Variants in TSC22D3 observed in about 807,000 individuals in gnomAD.
TSC22D3 encodes TSC22 domain family member 3, also known as TSC22 domain family protein 3.
In TSC22D3, 4 loss-of-function variants were observed where a neutral mutation model predicts 11.1. The ratio of observed to expected loss-of-function variants is 0.36; its 90% CI spans 0.18 to 0.83. The LOEUF (loss-of-function observed/expected upper bound fraction) is 0.83. Ranked by LOEUF, TSC22D3 falls within the 40% of genes least tolerant of loss-of-function variation. The pLI, the probability that TSC22D3 is intolerant of heterozygous loss-of-function variation, is 0.48. For missense variants in TSC22D3, 118 were observed against 159.4 expected (o/e 0.74, Z 1.40); for synonymous variants, 77 against 70.3 (o/e 1.10, Z -0.48).
At chrX:107,730,156 C>T (rs1927818586) in intron 1 of TSC22D3, among the ~76,000 whole-genome samples, 1 of 112,311 alleles carries the variant, frequency 8.9e-6, no homozygotes, top group South Asian at 3.7e-4. Context: ...ATTACCTTAT[C>T]ATTAGACCCA....
intron 1 of TSC22D3, among the ~76,000 whole-genome samples, chrX:107,746,935 G>T (rs1453491664): frequency 2.7e-5 from 3 of 112,507 alleles, no homozygotes; most frequent in Admixed American, 1.9e-4. Flanking sequence ...AAGGACATTT[G>T]AAATCCCTCA....
chrX:107,748,079 C>G (rs1689089159), intron 1 of TSC22D3, among the ~76,000 whole-genome samples: 3 of 111,838 alleles, frequency 2.7e-5, no homozygotes, highest in Non-Finnish European at 5.6e-5. Flanking sequence ...CTTCTTCACA[C>G]CCCTGCACAC....
At chrX:107,744,388 G>A (rs1226734574) in intron 1 of TSC22D3, among the ~76,000 whole-genome samples, 1 of 111,108 alleles carries the variant, frequency 9.0e-6, no homozygotes, top group Admixed American at 9.5e-5. Flanking sequence ...GGTTGAGGCG[G>A]GCGGATTGCT....
At chrX:107,772,253 G>A (rs923208826) in intron 1 of TSC22D3, among the ~76,000 whole-genome samples, 1 of 111,669 alleles carries the variant, frequency 9.0e-6, no homozygotes, top group Non-Finnish European at 1.9e-5. Flanking sequence ...TGGGAGACTA[G>A]CTTCTCCAGC....
chrX:107,726,946 T>C (rs895009393), intron 1 of TSC22D3, among the ~76,000 whole-genome samples: 1 of 112,082 alleles, frequency 8.9e-6, no homozygotes, highest in African/African-American at 3.2e-5. Context: ...ATGGAGTTTG[T>C]TGACAGAGTT....
rs143807690 is a variant in TSC22D3, at chrX:107,758,453, C to T, written c.320+16647G>A. On this transcript the variant is annotated intron_variant, in intron 1 of 2. Coordinates refer to ENST00000372383, the MANE Select transcript of TSC22D3 (RefSeq NM_198057.3). Reference sequence around the variant, plus strand: ...CAGTGAAATGTACCAGATATCAACACCCACCAAGCAGATTGGCTTTTGGTA... The same window carrying T: ...CAGTGAAATGTACCAGATATCAACATCCACCAAGCAGATTGGCTTTTGGTA... 4.8e-4 allele frequency among the ~76,000 whole-genome samples: 54 copies of T among 111,577 alleles called. 1 individual carries two copies. In the East Asian group the frequency reaches 0.012, roughly 26 times the overall value.
chrX:107,754,686 C>T (rs1302384851), intron 1 of TSC22D3, among the ~76,000 whole-genome samples: 1 of 111,924 alleles, frequency 8.9e-6, no homozygotes, highest in Non-Finnish European at 1.9e-5. Flanking sequence ...ACTATGAAGT[C>T]GTCTTCCTTC....
At chrX:107,725,028 T>C (rs1336163311) in intron 1 of TSC22D3, among the ~76,000 whole-genome samples, 2 of 111,240 alleles carry the variant, frequency 1.8e-5, no homozygotes, top group African/African-American at 6.5e-5. Flanking sequence ...AAAAAATCCC[T>C]CTCAGTCAGA....
At chrX:107,740,841 A>C (rs1177402047) in intron 1 of TSC22D3, among the ~76,000 whole-genome samples, 2 of 110,585 alleles carry the variant, frequency 1.8e-5, no homozygotes, top group Non-Finnish European at 3.8e-5. Flanking sequence ...AACCTTGGGA[A>C]ATACACACAG....
chrX:107,726,817 A>G (rs751273678), intron 1 of TSC22D3, among the ~76,000 whole-genome samples: 7 of 111,129 alleles, frequency 6.3e-5, no homozygotes, highest in African/African-American at 2.3e-4. Flanking sequence ...AAGCTCATAC[A>G]CCTTAAAAAA....
chrX:107,739,103 C>A (rs1928275203), intron 1 of TSC22D3, among the ~76,000 whole-genome samples: 1 of 113,118 alleles, frequency 8.8e-6, no homozygotes, highest in South Asian at 3.6e-4. Context: ...TCCCTTACAC[C>A]ATTTGCTCCC....
At chrX:107,717,204 T>A in intron 1 of TSC22D3, 1 of 470,129 alleles carries the variant, frequency 2.1e-6, no homozygotes. Context: ...GCTGGGACTG[T>A]AAACAGTTCA....
intron 1 of TSC22D3, among the ~76,000 whole-genome samples, chrX:107,749,178 TACACACACAC>T (rs61681572): frequency 0.37 from 32,167 of 87,018 alleles, 5,033 homozygotes; most frequent in Non-Finnish European, 0.45. Flanking sequence ...CTACTAAAAA[TACACACACAC>T]ACACACACAC....
At chrX:107,737,963 T>G (rs1928222394) in intron 1 of TSC22D3, among the ~76,000 whole-genome samples, 1 of 112,147 alleles carries the variant, frequency 8.9e-6, no homozygotes. Context: ...GGTGGTGAGC[T>G]GAGAGATGCC....
intron 1 of TSC22D3, among the ~76,000 whole-genome samples, chrX:107,720,647 C>T (rs183385439): frequency 0.01 from 1,126 of 110,440 alleles, 8 homozygotes; most frequent in South Asian, 0.042. Context: ...GAGCCGAGAT[C>T]GTGGCATTGC....
chrX:107,743,151 T>G (rs149394921), intron 1 of TSC22D3, among the ~76,000 whole-genome samples: 1,922 of 112,616 alleles, frequency 0.017, 36 homozygotes, highest in African/African-American at 0.058. Context: ...GGCCCTGAGC[T>G]ACGGGAGAAG....
In TSC22D3 at chrX:107,775,527, T is replaced by C. The variant is rs1930098860; in HGVS notation, c.-108A>G. 1 of 630,639 alleles carries C rather than the reference T, an allele frequency of 1.6e-6. No homozygotes were observed. Among genetic ancestry groups the C allele is most frequent in the Non-Finnish European group, 2.3e-6 (1 of 427,179 alleles). The allele number at this position is 630,639 out of a possible 1,213,427, so 52.0% of individuals were successfully genotyped here. ...TCCAGGGTGCCTGGAAAAGACAAGC[T>C]GTGAGGAAAAGAGTTGGAAATTAGC... On this transcript the variant is annotated 5_prime_UTR_variant, in exon 1 of 3. Coordinates refer to ENST00000372383, the MANE Select transcript of TSC22D3 (RefSeq NM_198057.3).
chrX:107,725,504 G>A (rs146042998), intron 1 of TSC22D3, among the ~76,000 whole-genome samples: 1,470 of 111,932 alleles, frequency 0.013, 23 homozygotes, highest in African/African-American at 0.045. Flanking sequence ...AGCCAAGAAA[G>A]GGTCTATCTG....
chrX:107,736,412 C>A (rs998983933), intron 1 of TSC22D3, among the ~76,000 whole-genome samples: 25 of 111,934 alleles, frequency 2.2e-4, no homozygotes, highest in African/African-American at 6.2e-4. Flanking sequence ...TTTTCCCCTT[C>A]TGTGCTGTCG....
Sources: allele counts gnomAD v4.1 joint callset (sites outside exome capture counted in the v4.1 genomes callset), GRCh38; gene constraint gnomAD v4.1.1; transcripts MANE v1.5; gene names NCBI Gene and HGNC (gene_info 2026-07-23, HGNC 2026-07-21).